GRHL3: variants seen among roughly 807,000 people sequenced by gnomAD.
GRHL3 encodes grainyhead like transcription factor 3, also known as grainyhead-like protein 3 homolog.
Under a neutral mutation model 70.3 loss-of-function variants are expected in GRHL3, and 20 were observed. The observed-to-expected ratio is 0.28, with a 90% confidence interval of 0.20 to 0.41. The LOEUF (loss-of-function observed/expected upper bound fraction) is 0.41. GRHL3 is among the 10% of genes least tolerant of loss of function. The pLI is 1.00. For synonymous variants in GRHL3, 299 were observed against 299.9 expected (o/e 1.00, Z 0.03); for missense variants, 637 against 762.3 (o/e 0.84, Z 1.94).
Position 24,337,479 on chromosome 1 carries a change from C to A in GRHL3, c.687-157C>A, listed in dbSNP as rs1452641501. 7 of 725,558 alleles carry A rather than the reference C, an allele frequency of 9.6e-6. No individual in the cohort carries two copies. In the Admixed American group the frequency reaches 2.0e-4, roughly 21 times the overall value. 44.9% of individuals were successfully genotyped at this position (725,558 alleles called of 1,614,324 possible). A position where few individuals can be genotyped will look rare whatever the true frequency, so the allele number is the denominator to read the frequency against. On this transcript the variant is annotated intron_variant, in intron 5 of 15. Coordinates refer to ENST00000361548, the MANE Select transcript of GRHL3 (RefSeq NM_198173.3). ...GCTCAACAAAGCCATTAAATAGAACCCCCAAATTGAGGAAACTGGGGCCCA... is the reference window on the plus strand; with the variant it reads ...GCTCAACAAAGCCATTAAATAGAACACCCAAATTGAGGAAACTGGGGCCCA...
rs549182230 is a variant in GRHL3, at chr1:24,354,851, C to G, written c.*363C>G. 4 of 170,390 alleles carry G rather than the reference C, an allele frequency of 2.3e-5. No individual in the cohort carries two copies. The highest frequency in any genetic ancestry group is 5.0e-5 in the Non-Finnish European group (4 of 79,556). The allele number at this position is 170,390 out of a possible 1,614,324, so 10.6% of individuals were successfully genotyped here. ...CGTTAAGATGGTGGCGGCACACGCTCCCTCCCGCAGCACCACGCCAGCTGG... is the reference window on the plus strand; with the variant it reads ...CGTTAAGATGGTGGCGGCACACGCTGCCTCCCGCAGCACCACGCCAGCTGG... On this transcript the variant is annotated 3_prime_UTR_variant, in exon 16 of 16. Coordinates refer to ENST00000361548, the MANE Select transcript of GRHL3 (RefSeq NM_198173.3).
downstream of GRHL3, among the ~76,000 whole-genome samples, chr1:24,355,898 CTTTT>C (rs59310312): frequency 3.3e-4 from 48 of 144,742 alleles, no homozygotes; most frequent in East Asian, 1.8e-3. Context: ...TTTCATTTAT[CTTTT>C]TTTTTTTTTT....
chr1:24,358,405 G>T, downstream of GRHL3: 1 of 777,696 alleles, frequency 1.3e-6, no homozygotes, highest in Non-Finnish European at 2.3e-6. Context: ...CGGCTAGGAT[G>T]CCAGGCCAGA....
In GRHL3 at chr1:24,322,927, T is replaced by C; in HGVS notation, c.17+3359T>C. Reference sequence around the variant, plus strand: ...TTTTGCCGAAGAGGGGACCCAGACCTGGTTCAGGCTTGCCCAAGGTCTCAC... The same window carrying C: ...TTTTGCCGAAGAGGGGACCCAGACCCGGTTCAGGCTTGCCCAAGGTCTCAC... On this transcript the variant is annotated intron_variant, in intron 1 of 15. Transcript: ENST00000361548. This position sits in a 1 kb window ranked among gnomAD's most constrained non-coding sequence, Gnocchi z 4.4. 1 of 628,278 alleles carries C rather than the reference T, an allele frequency of 1.6e-6. No individual in the cohort carries two copies. Among genetic ancestry groups the C allele is most frequent in the South Asian group, 2.0e-5 (1 of 51,130 alleles). The allele number at this position is 628,278 out of a possible 1,614,324, so 38.9% of individuals were successfully genotyped here. A position where few individuals can be genotyped will look rare whatever the true frequency, so the allele number is the denominator to read the frequency against.
At position 24,342,062 on chromosome 1, in the gene GRHL3, T is replaced by G; in HGVS notation, c.1048-53T>G. Reference sequence around the variant, plus strand: ...GAAATACAGGATCACTGTGGGACGGTGGGGCTGGCCACCTGGGCAGGCCAC... The same window carrying G: ...GAAATACAGGATCACTGTGGGACGGGGGGGCTGGCCACCTGGGCAGGCCAC... On this transcript the variant is annotated intron_variant, in intron 8 of 15. Transcript: ENST00000361548. This position sits in a 1 kb window ranked among gnomAD's most constrained non-coding sequence, Gnocchi z 4.8. 6.7e-7 allele frequency: 1 copy of G among 1,495,436 alleles called. No homozygotes were observed. Among genetic ancestry groups the G allele is most frequent in the Non-Finnish European group, 9.0e-7 (1 of 1,110,570 alleles). 92.6% of individuals were successfully genotyped at this position (1,495,436 alleles called of 1,614,324 possible). A position where few individuals can be genotyped will look rare whatever the true frequency, so the allele number is the denominator to read the frequency against.
chr1:24,341,806 CT>C (rs1383445187), intron 8 of GRHL3, among the ~76,000 whole-genome samples: 1 of 152,228 alleles, frequency 6.6e-6, no homozygotes, highest in Non-Finnish European at 1.5e-5. Flanking sequence ...GTCTCCACCC[CT>C]TGGGCTGCCC....
At position 24,351,407 on chromosome 1, in the gene GRHL3, G is replaced by GT. The variant is rs1175707969; in HGVS notation, c.1694+1285_1694+1286insT. ...CCATCCCTGCAGCCCCTGGGAAGGGGGTTTTTTTTGGTTTTAGCTGCATGC... is the reference window on the plus strand; with the variant it reads ...CCATCCCTGCAGCCCCTGGGAAGGGGTGTTTTTTTTGGTTTTAGCTGCATGC... On this transcript the variant is annotated intron_variant, in intron 15 of 15. Coordinates refer to ENST00000361548, the MANE Select transcript of GRHL3 (RefSeq NM_198173.3). Among the ~76,000 whole-genome samples, 6 of 136,564 alleles carry GT rather than the reference G, an allele frequency of 4.4e-5. No homozygotes were observed. In the East Asian group the frequency reaches 5.8e-4, roughly 13 times the overall value. The allele number at this position is 136,564 out of a possible 152,430, so 89.6% of individuals were successfully genotyped here. A position where few individuals can be genotyped will look rare whatever the true frequency, so the allele number is the denominator to read the frequency against.
chr1:24,331,705 A>G, intron 2 of GRHL3, 93 bp downstream of exon 2: 1 of 1,090,220 alleles, frequency 9.2e-7, no homozygotes, highest in Non-Finnish European at 1.3e-6. Context: ...TGACCACCCC[A>G]GCCCCTCATC....
chr1:24,358,174 A>G, downstream of GRHL3: 1 of 504,634 alleles, frequency 2.0e-6, no homozygotes, highest in Non-Finnish European at 3.9e-6. Flanking sequence ...GGCCACCTTC[A>G]GGGTGGACTG....
rs1449001309 is a variant in GRHL3, at chr1:24,331,555, A to G, written c.147A>G (p.Arg49=). ...PLTAATKAMM[R]VNGDDDSVAA... ...CAGCTGCCACAAAGGCCATGATGAG[A>G]GTCAATGGAGATGATGACAGTGTTG... Residue 49 remains arginine, a synonymous_variant, in exon 2 of 16, where the codon AGA becomes AGG. Transcript: ENST00000361548. The G allele has an allele frequency of 6.2e-7, 1 of 1,613,938 alleles. No individual in the cohort carries two copies. The highest frequency in any genetic ancestry group is 8.5e-7 in the Non-Finnish European group (1 of 1,179,986).
At position 24,332,013 on chromosome 1, in the gene GRHL3, C is replaced by T. The variant is rs1030115455; in HGVS notation, c.204+401C>T. ...ACAGCCTGCCACACAGTCTGTGACACGTGTTGACCAAGTGGACAGTGCCTG... is the reference window on the plus strand; with the variant it reads ...ACAGCCTGCCACACAGTCTGTGACATGTGTTGACCAAGTGGACAGTGCCTG... On this transcript the variant is annotated intron_variant, in intron 2 of 15. Coordinates refer to ENST00000361548, the MANE Select transcript of GRHL3 (RefSeq NM_198173.3). Among the ~76,000 whole-genome samples, 16 of 152,314 alleles carry T rather than the reference C, an allele frequency of 1.1e-4. No homozygotes were observed. The East Asian group carries it at 1.5e-3, about 15-fold the overall frequency.
downstream of GRHL3, among the ~76,000 whole-genome samples, chr1:24,355,501 C>T (rs1295816142): frequency 6.6e-6 from 1 of 152,196 alleles, no homozygotes; most frequent in Non-Finnish European, 1.5e-5. Context: ...CTCTGGAAGG[C>T]AGCAGATTCC....
chr1:24,321,526 A>C lies in GRHL3; in HGVS notation c.17+1958A>C, dbSNP rs1231872268. On this transcript the variant is annotated intron_variant, in intron 1 of 15. Transcript: ENST00000361548. The surrounding 1 kb of genome is among the most constrained non-coding windows in gnomAD (Gnocchi z 4.0). ...AGCTTGGGCCCTCATGGAATGGCCA[A>C]CTCTGGCCAGGCCTTGATATAGTGG... The C allele has an allele frequency of 6.6e-6, 1 of 152,242 alleles. No individual in the cohort carries two copies. Among genetic ancestry groups the C allele is most frequent in the Non-Finnish European group, 1.5e-5 (1 of 68,046 alleles). 9.4% of individuals were successfully genotyped at this position (152,242 alleles called of 1,614,324 possible).
At chr1:24,339,996 C>T (rs943732773) in intron 8 of GRHL3, among the ~76,000 whole-genome samples, 15 of 152,202 alleles carry the variant, frequency 9.9e-5, no homozygotes, top group African/African-American at 3.4e-4. Flanking sequence ...GTGCCTTAGT[C>T]CCTCTGAGCC....
intron 1 of GRHL3, among the ~76,000 whole-genome samples, chr1:24,325,746 G>A (rs892666151): frequency 6.6e-6 from 1 of 152,164 alleles, no homozygotes; most frequent in Non-Finnish European, 1.5e-5. Context: ...CCTCCTCCCA[G>A]AGCACTGGCC....
At chr1:24,361,955 G>T (rs1462439097) in intron 15 of GRHL3, among the ~76,000 whole-genome samples, 2 of 152,152 alleles carry the variant, frequency 1.3e-5, no homozygotes. Context: ...TTCTGCGCTT[G>T]TTACAGGAAT....
intron 3 of GRHL3, among the ~76,000 whole-genome samples, chr1:24,335,647 G>C (rs575226571): frequency 5.3e-5 from 8 of 151,620 alleles, no homozygotes; most frequent in Non-Finnish European, 1.2e-4. Flanking sequence ...CAGTGGCGCG[G>C]TCTTGGCTCA....
Position 24,342,811 on chromosome 1 carries a change from G to A in GRHL3, c.1285+39G>A, listed in dbSNP as rs540287536. 129 of 1,613,780 alleles carry A rather than the reference G, an allele frequency of 8.0e-5. 2 individuals are homozygous for A. The South Asian group carries it at 8.6e-4, about 11-fold the overall frequency. Reference sequence around the variant, plus strand: ...CAGGGCCTGGGTGGGCTCGGCTGGCGTGAAGGGGAGAAGGAGACCAGAGGT... The same window carrying A: ...CAGGGCCTGGGTGGGCTCGGCTGGCATGAAGGGGAGAAGGAGACCAGAGGT... On this transcript the variant is annotated intron_variant, in intron 10 of 15. Transcript: ENST00000361548. This position sits in a 1 kb window ranked among gnomAD's most constrained non-coding sequence, Gnocchi z 4.8.
At chr1:24,357,445 T>TCC (rs11429512), downstream of GRHL3, 32 of 152,678 alleles carry the variant, frequency 2.1e-4, no homozygotes, top group African/African-American at 7.2e-4. Context: ...GGCTCCTGCC[T>TCC]CCCCACTGCC....
Sources: gnomAD v4.1 joint callset for allele counts (sites outside exome capture counted in the v4.1 genomes callset) on GRCh38, gnomAD v4.1.1 for gene constraint, Gnocchi (gnomAD v3.1) non-coding constraint, MANE v1.5 for transcripts, NCBI Gene and HGNC (gene_info 2026-07-23, HGNC 2026-07-21) for gene names.